CPNE4: variants seen among roughly 807,000 people sequenced by gnomAD.
CPNE4 encodes the protein copine-4.
A neutral mutation model predicts 67.9 loss-of-function variants in CPNE4; 25 were observed. The observed-to-expected ratio is 0.37, with a 90% CI of 0.27 to 0.51. The LOEUF (loss-of-function observed/expected upper bound fraction) is 0.51. CPNE4 is among the 20% of genes least tolerant of loss of function. The pLI, the probability that CPNE4 is intolerant of heterozygous loss-of-function variation, is 0.93. For missense variants in CPNE4, 464 were observed against 690.8 expected, an observed-to-expected ratio of 0.67 and a Z score of 3.68; for synonymous variants, 242 against 244.9, an observed-to-expected ratio of 0.99 and a Z score of 0.11.
At chr3:131,771,557 G>GCA (rs2083166884) in intron 2 of CPNE4, among the ~76,000 whole-genome samples, 1 of 152,030 alleles carries the variant, frequency 6.6e-6, no homozygotes, top group Non-Finnish European at 1.5e-5. Context: ...CATATGATTT[G>GCA]CACACACCCA....
At chr3:131,928,948 G>A (rs2070973643) in intron 1 of CPNE4, among the ~76,000 whole-genome samples, 1 of 152,014 alleles carries the variant, frequency 6.6e-6, no homozygotes, top group South Asian at 2.1e-4. Flanking sequence ...CTGTAGAGAG[G>A]GCTAGTCCTA....
chr3:131,948,862 A>G (rs541442911), intron 1 of CPNE4, among the ~76,000 whole-genome samples: 1 of 152,232 alleles, frequency 6.6e-6, no homozygotes, highest in South Asian at 2.1e-4. Flanking sequence ...TCCATGCAGG[A>G]AAAAAACACA....
intron 2 of CPNE4, among the ~76,000 whole-genome samples, chr3:131,897,484 G>C (rs1443778882): frequency 6.6e-6 from 1 of 152,054 alleles, no homozygotes; most frequent in Non-Finnish European, 1.5e-5. Context: ...AGACAGTCTG[G>C]GTTCAATTTG....
chr3:131,902,412 C>A (rs1184272891), intron 2 of CPNE4, among the ~76,000 whole-genome samples: 1 of 152,036 alleles, frequency 6.6e-6, no homozygotes, highest in Non-Finnish European at 1.5e-5. Context: ...TTCTACTTAA[C>A]AGAATCTATT....
At chr3:131,818,496 G>T (rs72987712) in intron 2 of CPNE4, among the ~76,000 whole-genome samples, 8,344 of 152,196 alleles carry the variant, frequency 0.055, 604 homozygotes, top group African/African-American at 0.17. Flanking sequence ...ACCTTGTGTA[G>T]GTGCCCAGCA....
At chr3:131,693,819 T>A (rs1233272572) in intron 5 of CPNE4, among the ~76,000 whole-genome samples, 1 of 152,188 alleles carries the variant, frequency 6.6e-6, no homozygotes, top group East Asian at 1.9e-4. Flanking sequence ...TTCCATATTC[T>A]GAGACCAAAC....
chr3:131,666,318 G>T (rs1278472724), intron 7 of CPNE4, among the ~76,000 whole-genome samples: 1 of 151,932 alleles, frequency 6.6e-6, no homozygotes, highest in African/African-American at 2.4e-5. Context: ...TGAAACAAAT[G>T]AACCTGACTG....
chr3:131,945,337 T>C (rs2071520657), intron 1 of CPNE4, among the ~76,000 whole-genome samples: 1 of 152,196 alleles, frequency 6.6e-6, no homozygotes. Context: ...CAAATCTTCC[T>C]GCAAGAGAAC....
intron 1 of CPNE4, among the ~76,000 whole-genome samples, chr3:131,967,757 A>G (rs1309767283): frequency 6.6e-6 from 1 of 152,358 alleles, no homozygotes; most frequent in African/African-American, 2.4e-5. Context: ...GGAAAAATCA[A>G]TATCGTGAAA....
At chr3:131,630,042 G>T (rs1165568159) in intron 7 of CPNE4, among the ~76,000 whole-genome samples, 1 of 152,166 alleles carries the variant, frequency 6.6e-6, no homozygotes, top group Admixed American at 6.5e-5. Flanking sequence ...AAGAAGTGAG[G>T]TGAATGATGT....
intron 14 of CPNE4, 100 bp from the exon 15 acceptor site, chr3:131,542,893 T>C (rs1935588545): frequency 5.2e-6 from 4 of 770,812 alleles, no homozygotes; most frequent in Non-Finnish European, 8.9e-6. Flanking sequence ...TCACTGCACA[T>C]TGACCAAAGC....
At chr3:131,776,095 C>T (rs868302281) in intron 2 of CPNE4, among the ~76,000 whole-genome samples, 1 of 152,126 alleles carries the variant, frequency 6.6e-6, no homozygotes, top group Non-Finnish European at 1.5e-5. Flanking sequence ...CTCTTCTCTC[C>T]TTCCCGGCTT....
At chr3:131,760,511 C>T (rs1001276457) in intron 2 of CPNE4, among the ~76,000 whole-genome samples, 8 of 152,170 alleles carry the variant, frequency 5.3e-5, no homozygotes, top group South Asian at 2.1e-4. Context: ...TCCCATGTAA[C>T]GTGTGTCTAT....
chr3:131,651,940 G>A (rs2079824989), intron 7 of CPNE4, among the ~76,000 whole-genome samples: 1 of 151,992 alleles, frequency 6.6e-6, no homozygotes, highest in Non-Finnish European at 1.5e-5. Flanking sequence ...TGATTCTAAG[G>A]AGTCCTGGGC....
intron 2 of CPNE4, among the ~76,000 whole-genome samples, chr3:131,736,961 A>G (rs1309467097): frequency 1.3e-5 from 2 of 152,110 alleles, no homozygotes; most frequent in Admixed American, 1.3e-4. Flanking sequence ...GGTTGAATGA[A>G]TCATTATGGA....
intron 2 of CPNE4, among the ~76,000 whole-genome samples, chr3:131,731,297 C>G (rs192113281): frequency 1.3e-5 from 2 of 152,216 alleles, no homozygotes; most frequent in African/African-American, 4.8e-5. Flanking sequence ...GGGTTGCATC[C>G]TTGCTTAGGA....
intron 2 of CPNE4, among the ~76,000 whole-genome samples, chr3:131,741,952 T>C (rs1040803181): frequency 5.3e-5 from 8 of 152,220 alleles, no homozygotes; most frequent in East Asian, 1.9e-4. Context: ...CTTTGCCCTC[T>C]ATCCCTTCTT....
At chr3:132,006,713 A>C (rs940334642) in intron 1 of CPNE4, among the ~76,000 whole-genome samples, 1 of 151,928 alleles carries the variant, frequency 6.6e-6, no homozygotes, top group Non-Finnish European at 1.5e-5. Context: ...TGATTGAGAA[A>C]TAAATTGCCT....
rs1299349724 is a variant in CPNE4, at chr3:132,005,340, TATACAC to T, written c.-2+29221_-2+29226del. ...ATATATATATATATATATATATATA[TATACAC>T]ACACACACACACACACACACACACA... On this transcript the variant is annotated intron_variant, in intron 1 of 15. Coordinates refer to ENST00000429747, the MANE Select transcript of CPNE4 (RefSeq NM_130808.3). Among the ~76,000 whole-genome samples the T allele has an allele frequency of 1.7e-3, 47 of 27,188 alleles. 1 individual carries two copies. Among genetic ancestry groups the T allele is most frequent in the Non-Finnish European group, 3.9e-3 (42 of 10,746 alleles). The allele number at this position is 27,188 out of a possible 152,430, so 17.8% of individuals were successfully genotyped here.
Sources: allele counts gnomAD v4.1 joint callset (sites outside exome capture counted in the v4.1 genomes callset), GRCh38; gene constraint gnomAD v4.1.1; transcripts MANE v1.5; gene names NCBI Gene and HGNC (gene_info 2026-07-23, HGNC 2026-07-21).